Variants in DCAF4 observed in about 807,000 individuals in gnomAD.
DCAF4 encodes the protein DDB1 and CUL4 associated factor 4, also known as DDB1- and CUL4-associated factor 4.
DCAF4 carries 37 observed loss-of-function variants against 60.9 expected under a neutral mutation model. The ratio of observed to expected loss-of-function variants is 0.61; its 90% CI spans 0.47 to 0.80. DCAF4 has a LOEUF of 0.80. Ranked by LOEUF, DCAF4 falls within the 30% of genes least tolerant of loss-of-function variation. DCAF4 has a pLI of 0.00. For missense variants in DCAF4, 577 were observed against 650.0 expected (o/e 0.89, Z 1.22); for synonymous variants, 243 against 254.8 (o/e 0.95, Z 0.44).
chr14:72,928,300 T>A (rs939649098), intron 1 of DCAF4, among the ~76,000 whole-genome samples: 2 of 148,522 alleles, frequency 1.3e-5, no homozygotes, highest in African/African-American at 4.9e-5. Flanking sequence ...TTTAAGGGAT[T>A]CTCCTGCTTC....
In DCAF4 at chr14:72,955,580, T is replaced by G; in HGVS notation, c.1063T>G (p.Cys355Gly). The G allele has an allele frequency of 6.2e-7, 1 of 1,614,166 alleles. No individual in the cohort carries two copies. The highest frequency in any genetic ancestry group is 8.5e-7 in the Non-Finnish European group (1 of 1,180,020). ...GGAAATCTTTGCCATTGATCTGCGT[T>G]GTGGAAATCAAGGCAAGGGATGGAA... The part of the protein sequence containing the change: ...SGEIFAIDLR[C>G]GNQGKGWKAT... Residue 355 changes from cysteine to glycine, a missense_variant, in exon 12 of 14, where the codon TGT (cysteine) becomes GGT (glycine). Coordinates refer to ENST00000358377, the MANE Select transcript of DCAF4 (RefSeq NM_015604.4).
At chr14:72,961,987 C>T, downstream of DCAF4, 1 of 1,114,698 alleles carries the variant, frequency 9.0e-7, no homozygotes, top group Non-Finnish European at 1.1e-6. Flanking sequence ...CACCCACTTC[C>T]CTCTGTTCTA....
chr14:72,933,207 G>A lies in DCAF4; in HGVS notation c.-8-4764G>A, dbSNP rs556115801. Reference sequence around the variant, plus strand: ...GACATTGCCAGATGTCCCCTGGTGGGCAAAATAATCCTTAAGAAGCACTGA... The same window carrying A: ...GACATTGCCAGATGTCCCCTGGTGGACAAAATAATCCTTAAGAAGCACTGA... On this transcript the variant is annotated intron_variant, in intron 1 of 13. Coordinates refer to ENST00000358377, the MANE Select transcript of DCAF4 (RefSeq NM_015604.4). Among the ~76,000 whole-genome samples, 6 of 152,278 alleles carry A rather than the reference G, an allele frequency of 3.9e-5. No homozygotes were observed. In the East Asian group the frequency reaches 9.6e-4, roughly 24 times the overall value.
At position 72,928,938 on chromosome 14, in the gene DCAF4, A is replaced by G. The variant is rs866936862; in HGVS notation, c.-9+2395A>G. On this transcript the variant is annotated intron_variant, in intron 1 of 13. Transcript: ENST00000358377. ...CATTCTGAGTTTTGGCCCCGTGCTA[A>G]GGCTGGACCGACCCCCTGTGCTGTC... Among the ~76,000 whole-genome samples, 3 of 151,568 alleles carry G rather than the reference A, an allele frequency of 2.0e-5. 1 individual carries two copies. Among genetic ancestry groups the G allele is most frequent in the Middle Eastern group, 6.8e-3 (2 of 294 alleles).
chr14:72,943,474 G>A (rs1278194314), intron 6 of DCAF4, among the ~76,000 whole-genome samples: 1 of 152,194 alleles, frequency 6.6e-6, no homozygotes, highest in Non-Finnish European at 1.5e-5. Flanking sequence ...GCAGGACTTG[G>A]TGGCTAAACC....
chr14:72,958,757 G>C lies in DCAF4; in HGVS notation c.1440G>C (p.Gly480=). Residue 480 remains glycine, a synonymous_variant, in exon 14 of 14, where the codon GGG becomes GGC. Coordinates refer to ENST00000358377, the MANE Select transcript of DCAF4 (RefSeq NM_015604.4). ...SRLGGSRGAP[G]LLMAVGQDLY... ...TGGGGGGCTCCCGGGGCGCGCCGGG[G>C]CTGCTCATGGCTGTCGGGCAGGACC... 1 of 1,605,174 alleles carries C rather than the reference G, an allele frequency of 6.2e-7. No individual in the cohort carries two copies. Among genetic ancestry groups the C allele is most frequent in the Non-Finnish European group, 8.5e-7 (1 of 1,175,692 alleles).
chr14:72,960,625 T>C, downstream of DCAF4: 1 of 1,060,682 alleles, frequency 9.4e-7, no homozygotes. Flanking sequence ...AAGGGATGGC[T>C]GGATAGTAGA....
rs533432293 is a variant in DCAF4 at position 72,955,075 on chromosome 14, C to A, written c.1006-448C>A. On this transcript the variant is annotated intron_variant, in intron 11 of 13. Transcript: ENST00000358377. Reference sequence around the variant, plus strand: ...GCAGTGAGCCAAGATCACACCACTGCACTCCAGCCTGGGCAACAGAGCAAG... The same window carrying A: ...GCAGTGAGCCAAGATCACACCACTGAACTCCAGCCTGGGCAACAGAGCAAG... 5.3e-5 allele frequency among the ~76,000 whole-genome samples: 8 copies of A among 151,230 alleles called. No homozygotes were observed. In the South Asian group the frequency reaches 1.7e-3, roughly 32 times the overall value.
At chr14:72,958,313 GT>G (rs1892554438) in intron 13 of DCAF4, among the ~76,000 whole-genome samples, 1 of 152,110 alleles carries the variant, frequency 6.6e-6, no homozygotes, top group Admixed American at 6.6e-5. Flanking sequence ...CCTAGACCAG[GT>G]GGGCCACACT....
chr14:72,945,897 G>T lies in DCAF4; in HGVS notation c.548G>T (p.Ser183Ile). The change falls in exon 7 of 14, where the codon AGT becomes ATT. Residue 183 changes from serine (S) to isoleucine (I), a missense_variant. Ser to Ile is a moderately radical substitution (Grantham distance 142, BLOSUM62 -2). Coordinates refer to ENST00000358377, the MANE Select transcript of DCAF4 (RefSeq NM_015604.4). ...RFNLILADTN[S>I]DRLFTVNDVK... Reference sequence around the variant, plus strand: ...TCCCTTCTCCAGGCAGATACCAACAGTGACCGGCTCTTCACAGTGAACGAT... The same window carrying T: ...TCCCTTCTCCAGGCAGATACCAACATTGACCGGCTCTTCACAGTGAACGAT... The T allele has an allele frequency of 6.2e-7, 1 of 1,614,218 alleles. No homozygotes were observed. Among genetic ancestry groups the T allele is most frequent in the Middle Eastern group, 1.6e-4 (1 of 6,062 alleles).
At chr14:72,946,461 G>A (rs1890758062) in intron 7 of DCAF4, among the ~76,000 whole-genome samples, 1 of 152,168 alleles carries the variant, frequency 6.6e-6, no homozygotes, top group Non-Finnish European at 1.5e-5. Flanking sequence ...GACTCCAGGA[G>A]TTTCTTGTCT....
In DCAF4 at chr14:72,959,659, A is replaced by G. The variant is rs1892716119; in HGVS notation, c.*854A>G. 1.0e-6 allele frequency: 1 copy of G among 985,296 alleles called. No homozygotes were observed. 61.0% of individuals were successfully genotyped at this position (985,296 alleles called of 1,614,324 possible). On this transcript the variant is annotated 3_prime_UTR_variant, in exon 14 of 14. Coordinates refer to ENST00000358377, the MANE Select transcript of DCAF4 (RefSeq NM_015604.4). The stretch of plus-strand genomic sequence containing the variant: ...ACCAAGAGAAGAATCATGGTGTGAC[A>G]TGCACTTCTGTGAATGACTTAGGAG...
chr14:72,936,445 T>C (rs1348751633), intron 1 of DCAF4, among the ~76,000 whole-genome samples: 2 of 151,604 alleles, frequency 1.3e-5, no homozygotes, highest in Non-Finnish European at 2.9e-5. Context: ...GTGCCTGTAG[T>C]CCCAGCTACT....
downstream of DCAF4, chr14:72,960,768 A>G: frequency 1.2e-6 from 1 of 801,782 alleles, no homozygotes; most frequent in South Asian, 4.7e-5. Flanking sequence ...GTTGAGGGGA[A>G]GAGGCCCAGG....
At chr14:72,954,031 C>A in intron 9 of DCAF4, 133 bp from the exon 10 acceptor site, 1 of 939,222 alleles carries the variant, frequency 1.1e-6, no homozygotes, top group Non-Finnish European at 1.6e-6. Flanking sequence ...CTTGCAACCA[C>A]AAAACCCAGA....
downstream of DCAF4, among the ~76,000 whole-genome samples, chr14:72,960,157 AT>A (rs34676562): frequency 0.27 from 38,817 of 143,872 alleles, 5,295 homozygotes; most frequent in Non-Finnish European, 0.31. Flanking sequence ...AAAGAACCAA[AT>A]TTTTTTTTTT....
intron 1 of DCAF4, chr14:72,929,813 C>T: frequency 8.3e-7 from 1 of 1,198,086 alleles, no homozygotes; most frequent in Non-Finnish European, 1.2e-6. Context: ...TGTCCCGCTA[C>T]AAACTTGGTG....
chr14:72,954,400 G>A lies in DCAF4; in HGVS notation c.922G>A (p.Val308Ile), dbSNP rs752860092. The A allele has an allele frequency of 6.2e-6, 10 of 1,614,046 alleles. No individual in the cohort carries two copies. The highest frequency in any genetic ancestry group is 1.3e-5 in the African/African-American group (1 of 74,932). Residue 308 changes from valine to isoleucine, a missense_variant, in exon 11 of 14, where the codon GTC becomes ATC. Val to Ile is a conservative substitution (Grantham distance 29, BLOSUM62 3). Transcript: ENST00000358377. ...GTCTCCGCCAGGCTTGTCTCGGCGG[G>A]TCCTGTTGACCAACGTGGTGACGGG... is the stretch of plus-strand genomic sequence containing the variant. ...NCFSTGLSRRVLLTNVVTGHR... is the reference protein window; with the variant it reads ...NCFSTGLSRRILLTNVVTGHR...
At chr14:72,953,728 AAAAAAT>A (rs1341367229) in intron 9 of DCAF4, among the ~76,000 whole-genome samples, 4 of 37,756 alleles carry the variant, frequency 1.1e-4, no homozygotes, top group African/African-American at 4.7e-4. Flanking sequence ...AAAAAAAAAA[AAAAAAT>A]ATATATATAT....
Sources: allele counts gnomAD v4.1 joint callset (sites outside exome capture counted in the v4.1 genomes callset), GRCh38; gene constraint gnomAD v4.1.1; transcripts MANE v1.5; gene names NCBI Gene and HGNC (gene_info 2026-07-23, HGNC 2026-07-21).